Variants in NMRAL1 observed in about 807,000 individuals in gnomAD.
NMRAL1 encodes the protein nmrA-like family domain-containing protein 1.
NMRAL1 carries 32 observed loss-of-function variants against 27.5 expected under a neutral mutation model. That is an observed-to-expected ratio of 1.16 (90% CI 0.88 to 1.56). NMRAL1 has a LOEUF of 1.56. NMRAL1 is among the 40% of genes most tolerant of loss of function. The pLI, the probability that NMRAL1 is intolerant of heterozygous loss-of-function variation, is 0.00. For missense variants in NMRAL1, 420 were observed against 392.0 expected (o/e 1.07, Z -0.60); for synonymous variants, 166 against 166.8 (o/e 1.00, Z 0.04).
intron 2 of NMRAL1, 137 bp from the exon 3 acceptor site, chr16:4,469,602 T>C (rs1417539136): frequency 2.0e-6 from 3 of 1,495,368 alleles, no homozygotes; most frequent in Non-Finnish European, 2.7e-6. Context: ...ATTCAGGTAT[T>C]TTTATTTTCT....
At chr16:4,464,606 T>G (rs2141422223) in intron 4 of NMRAL1, among the ~76,000 whole-genome samples, 2 of 147,614 alleles carry the variant, frequency 1.4e-5, no homozygotes, top group Admixed American at 6.8e-5. Context: ...TATCCCTGAC[T>G]GCAGGTTTTT....
At chr16:4,475,632 T>C (rs534045536), upstream of NMRAL1, among the ~76,000 whole-genome samples, 10 of 152,004 alleles carry the variant, frequency 6.6e-5, no homozygotes, top group Admixed American at 3.3e-4. Flanking sequence ...GTAATTTCTT[T>C]GTGTTCAGTA....
intron 3 of NMRAL1, 91 bp from the exon 4 acceptor site, chr16:4,466,493 C>T: frequency 7.3e-7 from 1 of 1,374,560 alleles, no homozygotes; most frequent in Middle Eastern, 2.6e-4. Context: ...GGAGCGGCCA[C>T]CATCTGCGAG....
Position 4,469,582 on chromosome 16 carries a change from G to A in NMRAL1, c.41-117C>T, listed in dbSNP as rs764581492. ...GGAGCATCCAGGAAACCTTCTCAAC[G>A]ACGATTCTCATTCAGGTATTTTTAT... On this transcript the variant is annotated intron_variant, in intron 2 of 5. Coordinates refer to ENST00000283429, the MANE Select transcript of NMRAL1 (RefSeq NM_020677.6). 5.2e-6 allele frequency: 8 copies of A among 1,531,796 alleles called. No homozygotes were observed. The East Asian group carries it at 6.8e-5, about 13-fold the overall frequency. The allele number at this position is 1,531,796 out of a possible 1,614,324, so 94.9% of individuals were successfully genotyped here. A position where few individuals can be genotyped will look rare whatever the true frequency, so the allele number is the denominator to read the frequency against.
chr16:4,469,150 C>T, intron 3 of NMRAL1, 77 bp downstream of exon 3: 1 of 936,794 alleles, frequency 1.1e-6, no homozygotes, highest in Non-Finnish European at 1.7e-6. Flanking sequence ...TCCAACCTCC[C>T]TGCAGAGTCG....
intron 2 of NMRAL1, among the ~76,000 whole-genome samples, chr16:4,472,017 G>A (rs1382460914): frequency 6.6e-6 from 1 of 152,124 alleles, no homozygotes; most frequent in Non-Finnish European, 1.5e-5. Flanking sequence ...CAAAGCTGTA[G>A]TGAGTGATGA....
chr16:4,473,811 A>C (rs1433729365), intron 2 of NMRAL1, among the ~76,000 whole-genome samples: 1 of 151,984 alleles, frequency 6.6e-6, no homozygotes, highest in Non-Finnish European at 1.5e-5. Flanking sequence ...TTGTAATCCC[A>C]GCTACTCGGG....
At chr16:4,470,186 AG>A (rs1567359977) in intron 2 of NMRAL1, among the ~76,000 whole-genome samples, 24 of 142,558 alleles carry the variant, frequency 1.7e-4, no homozygotes, top group African/African-American at 5.9e-4. Flanking sequence ...AAAAAAAAAA[AG>A]GGCCTGGTGC....
chr16:4,463,390 G>A (rs1019165066), intron 5 of NMRAL1: 21 of 512,980 alleles, frequency 4.1e-5, no homozygotes, highest in Admixed American at 8.5e-5. Context: ...AGAGGAGCCC[G>A]GCAGGGCCTG....
chr16:4,472,872 G>A (rs773938823), intron 2 of NMRAL1, among the ~76,000 whole-genome samples: 22 of 151,812 alleles, frequency 1.4e-4, no homozygotes, highest in Admixed American at 2.6e-4. Context: ...GAAATGTCCC[G>A]AATAGACAAA....
intron 3 of NMRAL1, 99 bp downstream of exon 3, chr16:4,469,128 G>A (rs1036024291): frequency 2.9e-5 from 22 of 758,652 alleles, no homozygotes; most frequent in South Asian, 1.8e-4. Flanking sequence ...AAGAGGGAAA[G>A]GCCTGCAGTG....
chr16:4,461,987 G>T (rs74005327), intron 5 of NMRAL1, 28 bp from the exon 6 acceptor site: 1 of 1,590,784 alleles, frequency 6.3e-7, no homozygotes, highest in Non-Finnish European at 8.6e-7. Context: ...TGTCGTGGCC[G>T]GCGTCCTCCA....
At chr16:4,467,941 C>T (rs1259305505) in intron 3 of NMRAL1, among the ~76,000 whole-genome samples, 3 of 151,902 alleles carry the variant, frequency 2.0e-5, no homozygotes, top group Non-Finnish European at 4.4e-5. Context: ...TTTTAAGCCA[C>T]GTGGATTGTG....
chr16:4,466,270 C>T lies in NMRAL1; in HGVS notation c.412G>A (p.Glu138Lys), dbSNP rs2057324857. The change falls in exon 4 of 6, where the codon GAA becomes AAA. Residue 138 changes from glutamate (E) to lysine (K), a missense_variant. Glu to Lys is a moderately conservative substitution (Grantham distance 56, BLOSUM62 1). Coordinates refer to ENST00000283429, the MANE Select transcript of NMRAL1 (RefSeq NM_020677.6). ...AHFDGKGEVE[E>K]YFRDIGVPMT... The stretch of plus-strand genomic sequence containing the variant: ...GGAACGCCAATGTCCCGGAAATATT[C>T]CTCCACCTCCCCTTTGCCGTCAAAG... 1 of 1,613,962 alleles carries T rather than the reference C, an allele frequency of 6.2e-7. No homozygotes were observed. The highest frequency in any genetic ancestry group is 1.1e-5 in the South Asian group (1 of 91,086).
chr16:4,469,047 A>C (rs995935465), intron 3 of NMRAL1, among the ~76,000 whole-genome samples, 180 bp downstream of exon 3: 8 of 152,076 alleles, frequency 5.3e-5, no homozygotes, highest in African/African-American at 9.7e-5. Context: ...AACAAACAAA[A>C]AAAAAGTAAT....
intron 2 of NMRAL1, 93 bp from the exon 3 acceptor site, chr16:4,469,558 G>T: frequency 1.3e-6 from 2 of 1,560,424 alleles, no homozygotes; most frequent in South Asian, 2.3e-5. Flanking sequence ...CCACAGCAAG[G>T]AGCATCCAGG....
chr16:4,474,273 G>A (rs539361403), intron 1 of NMRAL1, 107 bp from the exon 2 acceptor site: 42 of 767,524 alleles, frequency 5.5e-5, no homozygotes, highest in Non-Finnish European at 8.1e-5. Context: ...CGAAGGGGGC[G>A]GCTGGGCCCG....
rs776816993 is a variant in NMRAL1, at chr16:4,461,735, C to T, written c.*45G>A. The T allele has an allele frequency of 1.0e-5, 16 of 1,540,928 alleles. No individual in the cohort carries two copies. The highest frequency in any genetic ancestry group is 1.2e-5 in the Non-Finnish European group (14 of 1,139,060). On this transcript the variant is annotated 3_prime_UTR_variant, in exon 6 of 6. Transcript: ENST00000283429. ...TTATTCAGATGTTGGTGCCTCTGCC[C>T]CTCTGGTGCCCCCGATCCCCACAAG...
At position 4,469,283 on chromosome 16, in the gene NMRAL1, T is replaced by A; in HGVS notation, c.223A>T (p.Thr75Ser). The change falls in exon 3 of 6, where the codon ACC (threonine) becomes TCC (serine). Residue 75 changes from threonine (T) to serine (S), a missense_variant. Thr to Ser is a moderately conservative substitution (Grantham distance 58). Coordinates refer to ENST00000283429, the MANE Select transcript of NMRAL1 (RefSeq NM_020677.6). ...MELALNGAYA[T>S]FIVTNYWESC... is the part of the protein sequence containing the mutation. The stretch of plus-strand genomic sequence containing the variant: ...TCCCAGTAATTGGTCACGATGAAGG[T>A]GGCGTAAGCCCCATTCAGGGCCAGC... The A allele has an allele frequency of 6.2e-7, 1 of 1,614,150 alleles. No homozygotes were observed.
Sources: allele counts gnomAD v4.1 joint callset (sites outside exome capture counted in the v4.1 genomes callset), GRCh38; gene constraint gnomAD v4.1.1; transcripts MANE v1.5; gene names NCBI Gene and HGNC (gene_info 2026-07-23, HGNC 2026-07-21).